The following CDH6 variants were observed in gnomAD, a reference collection of about 807,000 sequenced individuals.
The protein encoded by CDH6 is cadherin-6.
In CDH6, 31 loss-of-function variants were observed where a neutral mutation model predicts 78.0. The ratio of observed to expected loss-of-function variants is 0.40; its 90% CI spans 0.30 to 0.54. CDH6 has a LOEUF of 0.54. Ranked by LOEUF, CDH6 falls within the 20% of genes least tolerant of loss-of-function variation. The pLI is 0.56. For missense variants in CDH6, 724 were observed against 975.9 expected, an observed-to-expected ratio of 0.74 and a Z score of 3.44; for synonymous variants, 376 against 368.8, an observed-to-expected ratio of 1.02 and a Z score of -0.23.
chr5:31,265,769 G>GTTTTTTT lies in CDH6; in HGVS notation c.-128-1560_-128-1554dup, dbSNP rs35184792. On this transcript the variant is annotated intron_variant, in intron 1 of 11. Coordinates refer to ENST00000265071, the MANE Select transcript of CDH6 (RefSeq NM_004932.4). ...TGTTGTTAGTATTATTTAAGACAAT[G>GTTTTTTT]TTTTTTTTTTTTTTTTTTTTTTTGA... Among the ~76,000 whole-genome samples the GTTTTTTT allele has an allele frequency of 1.6e-3, 123 of 78,416 alleles. 1 individual carries two copies. The highest frequency in any genetic ancestry group is 2.2e-3 in the Admixed American group (11 of 5,094). 51.4% of individuals were successfully genotyped at this position (78,416 alleles called of 152,430 possible). A position where few individuals can be genotyped will look rare whatever the true frequency, so the allele number is the denominator to read the frequency against.
intron 2 of CDH6, among the ~76,000 whole-genome samples, chr5:31,278,488 G>T (rs1169445672): frequency 6.6e-6 from 1 of 152,160 alleles, no homozygotes. Flanking sequence ...ACATTATTTA[G>T]GGTCTCAGTA....
intron 7 of CDH6, among the ~76,000 whole-genome samples, chr5:31,306,968 C>T (rs1343434873): frequency 6.6e-6 from 1 of 152,050 alleles, no homozygotes; most frequent in African/African-American, 2.4e-5. Context: ...GGGGGAAGAA[C>T]ATTCCAAGAA....
rs370055147 is a variant in CDH6 at position 31,302,274 on chromosome 5, G to A, written c.975G>A (p.Gln325=). The A allele has an allele frequency of 2.5e-6, 4 of 1,613,264 alleles. No individual in the cohort carries two copies. The highest frequency in any genetic ancestry group is 2.7e-5 in the African/African-American group (2 of 74,904). ...MFDVITDQET[Q]EGIITVKKLL... ...ATGTCATCACCGACCAGGAAACCCA[G>A]GAAGGGATTATAACTGTCAAAAAGG... Residue 325 remains glutamine (Q), a synonymous_variant, in exon 6 of 12, where the codon CAG becomes CAA. Transcript: ENST00000265071.
At chr5:31,260,434 G>A (rs1007089840) in intron 1 of CDH6, among the ~76,000 whole-genome samples, 2 of 152,164 alleles carry the variant, frequency 1.3e-5, no homozygotes, top group African/African-American at 4.8e-5. Flanking sequence ...ACATGTGGTA[G>A]AAAAACTTTG....
At chr5:31,242,520 G>A (rs1257939038) in intron 1 of CDH6, among the ~76,000 whole-genome samples, 4 of 152,110 alleles carry the variant, frequency 2.6e-5, no homozygotes, top group African/African-American at 9.7e-5. Flanking sequence ...AAGCAGTGTT[G>A]GGTGGCTCAC....
At chr5:31,257,742 T>TAATC (rs1215219234) in intron 1 of CDH6, among the ~76,000 whole-genome samples, 1 of 152,122 alleles carries the variant, frequency 6.6e-6, no homozygotes, top group Non-Finnish European at 1.5e-5. Context: ...CTAATGTTGA[T>TAATC]AATCCAGCCT....
intron 1 of CDH6, chr5:31,250,382 G>T (rs536953456): frequency 6.6e-6 from 1 of 152,328 alleles, no homozygotes; most frequent in Non-Finnish European, 1.5e-5. Context: ...CCCTGGGCTC[G>T]GAGTGAGCCA....
At chr5:31,268,777 A>G (rs1026441929) in intron 2 of CDH6, among the ~76,000 whole-genome samples, 2 of 152,240 alleles carry the variant, frequency 1.3e-5, no homozygotes, top group African/African-American at 4.8e-5. Flanking sequence ...CTGTGATCAA[A>G]TATCCCTGAA....
rs145164321 is a variant in CDH6 at position 31,280,354 on chromosome 5, C to A, written c.228+12653C>A. On this transcript the variant is annotated intron_variant, in intron 2 of 11. Transcript: ENST00000265071. ...CATGTACAAGCATTCCTCAGGTGAT[C>A]CACATAACCACTCTCTAGTTGAACT... Among the ~76,000 whole-genome samples the A allele has an allele frequency of 5.3e-4, 81 of 152,256 alleles. No homozygotes were observed. In the East Asian group the frequency reaches 0.015, roughly 29 times the overall value.
At chr5:31,285,954 A>G (rs897739505) in intron 2 of CDH6, among the ~76,000 whole-genome samples, 1 of 152,234 alleles carries the variant, frequency 6.6e-6, no homozygotes, top group Non-Finnish European at 1.5e-5. Context: ...GTAGTAATTG[A>G]TAAATTATCT....
At chr5:31,213,827 G>A (rs1233737892) in intron 1 of CDH6, among the ~76,000 whole-genome samples, 4 of 148,144 alleles carry the variant, frequency 2.7e-5, no homozygotes, top group East Asian at 2.0e-4. Flanking sequence ...AACCTCTCGC[G>A]TTCTCTGACA....
At position 31,322,993 on chromosome 5, in the gene CDH6, C is replaced by T. The variant is rs150884160; in HGVS notation, c.2058C>T (p.Asn686=). The T allele has an allele frequency of 5.0e-6, 8 of 1,614,048 alleles. No individual in the cohort carries two copies. The highest frequency in any genetic ancestry group is 1.7e-6 in the Non-Finnish European group (2 of 1,180,038). ...TLRNPEAIED[N]KLRRDIVPEA... ...GGAATCCTGAAGCCATAGAGGACAA[C>T]AAATTACGAAGGGACATTGTGCCCG... Residue 686 remains asparagine (N), a synonymous_variant, in exon 12 of 12, where the codon AAC becomes AAT. Transcript: ENST00000265071.
intron 1 of CDH6, chr5:31,250,378 G>C (rs567680594): frequency 6.6e-6 from 1 of 152,452 alleles, no homozygotes; most frequent in South Asian, 2.1e-4. Flanking sequence ...TTCCCCCTGG[G>C]CTCGGAGTGA....
chr5:31,195,560 C>G (rs1300019110), intron 1 of CDH6, among the ~76,000 whole-genome samples: 3 of 152,168 alleles, frequency 2.0e-5, no homozygotes, highest in Non-Finnish European at 2.9e-5. Context: ...ACTTGCACGG[C>G]TCTATGCTTG....
At chr5:31,281,054 T>C (rs959141315) in intron 2 of CDH6, among the ~76,000 whole-genome samples, 1 of 152,108 alleles carries the variant, frequency 6.6e-6, no homozygotes, top group East Asian at 1.9e-4. Context: ...TGAATTCAAG[T>C]AAAAAAATAG....
chr5:31,310,166 A>T (rs1225151123), intron 7 of CDH6, among the ~76,000 whole-genome samples: 2 of 152,180 alleles, frequency 1.3e-5, no homozygotes, highest in Non-Finnish European at 2.9e-5. Flanking sequence ...TTACTTCCAT[A>T]CAATGGGGTT....
In CDH6 at chr5:31,302,114, C is replaced by G; in HGVS notation, c.815C>G (p.Thr272Arg). The change falls in exon 6 of 12, where the codon ACA (threonine) becomes AGA (arginine). Residue 272 changes from threonine (T) to arginine (R), a missense_variant. Transcript: ENST00000265071. ...NDNPPRFPQS[T>R]YQFKTPESSP... ...ATATCTGTCTGGTGATTAATAGGTA[C>G]ATACCAGTTTAAAACTCCTGAATCT... is the stretch of plus-strand genomic sequence containing the variant. The G allele has an allele frequency of 6.2e-7, 1 of 1,610,544 alleles. No homozygotes were observed. Among genetic ancestry groups the G allele is most frequent in the Non-Finnish European group, 8.5e-7 (1 of 1,177,280 alleles).
At chr5:31,212,762 GCACACACACA>G (rs72457836) in intron 1 of CDH6, among the ~76,000 whole-genome samples, 1 of 148,178 alleles carries the variant, frequency 6.7e-6, no homozygotes, top group Non-Finnish European at 1.5e-5. Context: ...ACATGAACGT[GCACACACACA>G]CACACACACA....
At chr5:31,318,330 A>G (rs1350366793) in intron 11 of CDH6, 4 of 350,852 alleles carry the variant, frequency 1.1e-5, no homozygotes, top group African/African-American at 2.0e-5. Context: ...TTAAAGATCT[A>G]TGGGAAAGTG....
Sources: allele counts gnomAD v4.1 joint callset (sites outside exome capture counted in the v4.1 genomes callset), GRCh38; gene constraint gnomAD v4.1.1; transcripts MANE v1.5; gene names NCBI Gene and HGNC (gene_info 2026-07-23, HGNC 2026-07-21).